Variants in ADAM23 observed in about 807,000 individuals in gnomAD.
ADAM23 encodes disintegrin and metalloproteinase domain-containing protein 23.
ADAM23 carries 33 observed loss-of-function variants against 120.1 expected under a neutral mutation model. The ratio of observed to expected loss-of-function variants is 0.27; its 90% CI spans 0.21 to 0.37. The LOEUF is 0.37. Ranked by LOEUF, ADAM23 falls within the 10% of genes least tolerant of loss-of-function variation. The pLI is 1.00. For synonymous variants in ADAM23, 367 were observed against 375.2 expected (o/e 0.98, Z 0.25); for missense variants, 862 against 1,058.2 (o/e 0.81, Z 2.57).
chr2:206,562,326 G>A (rs765176988), intron 13 of ADAM23, 33 bp downstream of exon 13: 4 of 1,530,732 alleles, frequency 2.6e-6, no homozygotes, highest in Admixed American at 1.7e-5. Context: ...TCATTTTCAT[G>A]TGCCATTCTG....
At chr2:206,597,254 A>G (rs1698546519) in intron 24 of ADAM23, among the ~76,000 whole-genome samples, 2 of 143,796 alleles carry the variant, frequency 1.4e-5, no homozygotes, top group African/African-American at 5.3e-5. Context: ...ATCTTGGCTC[A>G]TCGTAACCTC....
At chr2:206,585,025 G>A (rs1698296556) in intron 18 of ADAM23, among the ~76,000 whole-genome samples, 1 of 152,194 alleles carries the variant, frequency 6.6e-6, no homozygotes, top group African/African-American at 2.4e-5. Context: ...CAGCGGGGGT[G>A]TGTGTTCCCA....
intron 2 of ADAM23, among the ~76,000 whole-genome samples, chr2:206,458,944 CATAAATT>C (rs1425750515): frequency 5.3e-5 from 8 of 152,296 alleles, no homozygotes; most frequent in Non-Finnish European, 1.2e-4. Context: ...AAATATCAGA[CATAAATT>C]CTGTTTTTAT....
intron 24 of ADAM23, chr2:206,605,721 A>G: frequency 1.4e-6 from 1 of 698,448 alleles, no homozygotes; most frequent in South Asian, 1.5e-5. Flanking sequence ...TGAATAGATT[A>G]TTTTGTATGT....
chr2:206,587,242 C>G, intron 18 of ADAM23, 83 bp from the exon 19 acceptor site: 1 of 951,130 alleles, frequency 1.1e-6, no homozygotes, highest in East Asian at 2.5e-5. Context: ...ATATATCCAC[C>G]ATGCTTGCAT....
At chr2:206,476,483 C>A (rs1695777907) in intron 2 of ADAM23, among the ~76,000 whole-genome samples, 1 of 152,074 alleles carries the variant, frequency 6.6e-6, no homozygotes, top group Non-Finnish European at 1.5e-5. Context: ...CCTGTCAGAT[C>A]AGCAGTGGCA....
At chr2:206,569,422 A>T (rs1484558438) in intron 15 of ADAM23, among the ~76,000 whole-genome samples, 3 of 152,234 alleles carry the variant, frequency 2.0e-5, no homozygotes, top group Non-Finnish European at 2.9e-5. Flanking sequence ...GTTTATATGT[A>T]TGTATCAAAG....
At chr2:206,553,906 G>A (rs1024411997) in intron 9 of ADAM23, among the ~76,000 whole-genome samples, 9 of 151,846 alleles carry the variant, frequency 5.9e-5, no homozygotes, top group African/African-American at 1.9e-4. Flanking sequence ...TCTCACCTTC[G>A]GGTTGAAAAA....
chr2:206,534,102 C>T (rs1697126558), intron 4 of ADAM23, among the ~76,000 whole-genome samples: 1 of 152,124 alleles, frequency 6.6e-6, no homozygotes, highest in South Asian at 2.1e-4. Context: ...CATCCATCAA[C>T]ATAATCTAAT....
chr2:206,474,839 T>C (rs1051777561), intron 2 of ADAM23, among the ~76,000 whole-genome samples: 1 of 152,166 alleles, frequency 6.6e-6, no homozygotes, highest in Non-Finnish European at 1.5e-5. Context: ...CCTCTCAAAG[T>C]GTTGGGATTA....
chr2:206,582,523 G>A (rs1192614800), intron 18 of ADAM23, among the ~76,000 whole-genome samples: 1 of 152,172 alleles, frequency 6.6e-6, no homozygotes, highest in Non-Finnish European at 1.5e-5. Flanking sequence ...GGAACATTTA[G>A]GCCATTACAT....
At chr2:206,533,253 G>A (rs2105800026) in intron 4 of ADAM23, among the ~76,000 whole-genome samples, 1 of 152,150 alleles carries the variant, frequency 6.6e-6, no homozygotes, top group East Asian at 1.9e-4. Flanking sequence ...CCAGGCTAGA[G>A]TGCAGTGGTG....
At chr2:206,456,795 C>G (rs990814281) in intron 2 of ADAM23, among the ~76,000 whole-genome samples, 3 of 152,162 alleles carry the variant, frequency 2.0e-5, no homozygotes, top group Admixed American at 2.0e-4. Context: ...GTAGTCAAAT[C>G]CAAGCACAGC....
chr2:206,568,767 G>GT (rs1697938229), intron 15 of ADAM23, among the ~76,000 whole-genome samples: 1 of 152,140 alleles, frequency 6.6e-6, no homozygotes, highest in African/African-American at 2.4e-5. Flanking sequence ...TATGCAAAAT[G>GT]TTTAATACTT....
chr2:206,565,336 G>C (rs900632068), intron 14 of ADAM23, among the ~76,000 whole-genome samples: 1 of 152,062 alleles, frequency 6.6e-6, no homozygotes, highest in African/African-American at 2.4e-5. Context: ...TCTAAGTTTA[G>C]TGGAGGCATT....
chr2:206,560,583 ACTATT>A (rs1292376423), intron 11 of ADAM23, among the ~76,000 whole-genome samples: 1 of 152,154 alleles, frequency 6.6e-6, no homozygotes, highest in Non-Finnish European at 1.5e-5. Context: ...TTTTAGATGA[ACTATT>A]CAGTTGAGTT....
At chr2:206,538,317 C>T (rs1177286700) in intron 4 of ADAM23, among the ~76,000 whole-genome samples, 2 of 151,876 alleles carry the variant, frequency 1.3e-5, no homozygotes, top group Non-Finnish European at 2.9e-5. Context: ...TATACATGTC[C>T]CATTATAGAT....
intron 6 of ADAM23, among the ~76,000 whole-genome samples, chr2:206,546,085 A>G (rs1217904402): frequency 6.6e-6 from 1 of 152,178 alleles, no homozygotes; most frequent in East Asian, 1.9e-4. Context: ...TTGGTTTTGC[A>G]TTGTTTACTT....
chr2:206,562,101 A>G (rs999390952), intron 12 of ADAM23, 102 bp from the exon 13 acceptor site: 141 of 943,982 alleles, frequency 1.5e-4, no homozygotes, highest in Non-Finnish European at 2.1e-4. Context: ...GACAGGCTCT[A>G]CTTAGGGAAC....
Sources: gnomAD v4.1 joint callset for allele counts (sites outside exome capture counted in the v4.1 genomes callset) on GRCh38, gnomAD v4.1.1 for gene constraint, MANE v1.5 for transcripts, NCBI Gene and HGNC (gene_info 2026-07-23, HGNC 2026-07-21) for gene names.